Variants in PRKAG2 observed in about 807,000 individuals in gnomAD.
The protein encoded by PRKAG2 is 5'-AMP-activated protein kinase subunit gamma-2.
Under a neutral mutation model 69.6 loss-of-function variants are expected in PRKAG2, and 26 were observed. The observed-to-expected ratio is 0.37, with a 90% CI of 0.27 to 0.52. The LOEUF is 0.52. Among genes scored for constraint, PRKAG2 ranks in the 20% least tolerant of loss-of-function variants. PRKAG2 has a pLI of 0.90. For synonymous variants in PRKAG2, 293 were observed against 285.0 expected (o/e 1.03, Z -0.28); for missense variants, 557 against 740.0 (o/e 0.75, Z 2.87).
intron 1 of PRKAG2, among the ~76,000 whole-genome samples, chr7:151,794,406 T>G (rs1241489723): frequency 6.6e-6 from 1 of 152,242 alleles, no homozygotes; most frequent in Non-Finnish European, 1.5e-5. Context: ...CACTTTCCAG[T>G]GTGTAAAAGG....
chr7:151,612,522 G>A (rs1819114147), intron 5 of PRKAG2, among the ~76,000 whole-genome samples: 1 of 152,200 alleles, frequency 6.6e-6, no homozygotes, highest in African/African-American at 2.4e-5. Context: ...TCACTGTGAA[G>A]CAACCTGGGG....
At chr7:151,831,199 T>C (rs1452453559) in intron 1 of PRKAG2, among the ~76,000 whole-genome samples, 1 of 152,156 alleles carries the variant, frequency 6.6e-6, no homozygotes, top group East Asian at 1.9e-4. Flanking sequence ...AAGTTAAATA[T>C]AAAGTCACAA....
chr7:151,857,399 C>CAAAAA (rs71198737), intron 1 of PRKAG2, among the ~76,000 whole-genome samples: 1 of 122,972 alleles, frequency 8.1e-6, no homozygotes, highest in East Asian at 2.4e-4. Context: ...CTGGAAGTAC[C>CAAAAA]AAAAAAAAAA....
At chr7:151,773,887 G>A (rs893538430) in intron 3 of PRKAG2, among the ~76,000 whole-genome samples, 11 of 152,134 alleles carry the variant, frequency 7.2e-5, no homozygotes, top group African/African-American at 2.4e-4. Flanking sequence ...GGCTTTGTAG[G>A]CCATGGGGTC....
chr7:151,709,552 CTT>C (rs1302923491), intron 3 of PRKAG2, among the ~76,000 whole-genome samples: 6 of 152,030 alleles, frequency 3.9e-5, no homozygotes, highest in African/African-American at 1.2e-4. Flanking sequence ...CATTGAGTGA[CTT>C]TGATATTTGT....
In PRKAG2 at chr7:151,570,244, A is replaced by C. The variant is rs1807230049; in HGVS notation, c.1052-19T>G. 1.9e-6 allele frequency: 3 copies of C among 1,597,764 alleles called. No individual in the cohort carries two copies. The East Asian group carries it at 6.7e-5, about 36-fold the overall frequency. ...TAAAGCTCTGTATTTATAGAAAGAA[A>C]ATATGCAGTTAGTAACACATTTGCT... On this transcript the variant is annotated intron_variant, in intron 9 of 15. Transcript: ENST00000287878.
At chr7:151,832,164 T>C (rs915008988) in intron 1 of PRKAG2, among the ~76,000 whole-genome samples, 1 of 148,780 alleles carries the variant, frequency 6.7e-6, no homozygotes, top group Non-Finnish European at 1.5e-5. Flanking sequence ...AAATTGAATT[T>C]CCCCCCAACC....
In PRKAG2 at chr7:151,867,781, G is replaced by A. The variant is rs143564714; in HGVS notation, c.114+8726C>T. Among the ~76,000 whole-genome samples, 118 of 152,284 alleles carry A rather than the reference G, an allele frequency of 7.7e-4. 1 individual carries two copies. Among genetic ancestry groups the A allele is most frequent in the African/African-American group, 2.7e-3 (114 of 41,560 alleles). ...TTTCTGGTCCCAGCACTAACCCTGC[G>A]TAAACATAGTTCTTAGCAATGGCTC... On this transcript the variant is annotated intron_variant, in intron 1 of 15. Transcript: ENST00000287878.
rs189777459 is a variant in PRKAG2 at position 151,780,023 on chromosome 7, C to T, written c.466+1129G>A. 1.1e-4 allele frequency among the ~76,000 whole-genome samples: 16 copies of T among 152,114 alleles called. No homozygotes were observed. Among genetic ancestry groups the T allele is most frequent in the Admixed American group, 4.6e-4 (7 of 15,286 alleles). On this transcript the variant is annotated intron_variant, in intron 3 of 15. Transcript: ENST00000287878. The surrounding 1 kb of genome is among the most constrained non-coding windows in gnomAD (Gnocchi z 4.2). ...GTGTGTAGAGCATGGTCAGGACCTG[C>T]CCCCCACAACACACACACAACCCAC...
Position 151,781,235 on chromosome 7 carries a change from C to T in PRKAG2, c.383G>A (p.Arg128His). ...GGGGGAAGACTCTTTGGAGGAGGAGCGGAAGATCCCACTGAAGCTCATGCG... is the reference window on the plus strand; with the variant it reads ...GGGGGAAGACTCTTTGGAGGAGGAGTGGAAGATCCCACTGAAGCTCATGCG... Reference protein sequence around the residue: ...PRRMSFSGIFRSSSKESSPNS... With the variant: ...PRRMSFSGIFHSSSKESSPNS... Residue 128 changes from arginine to histidine, a missense_variant, in exon 3 of 16, where the codon CGC (arginine) becomes CAC (histidine). Arg to His is a conservative substitution (Grantham distance 29, BLOSUM62 0). This residue lies in a region of PRKAG2 where 352 missense variants were observed against 356.7 expected (regional missense o/e 0.99). Transcript: ENST00000287878. The surrounding 1 kb of genome is among the most constrained non-coding windows in gnomAD (Gnocchi z 6.1). 7 of 1,614,016 alleles carry T rather than the reference C, an allele frequency of 4.3e-6. No individual in the cohort carries two copies. Among genetic ancestry groups the T allele is most frequent in the African/African-American group, 1.3e-5 (1 of 75,020 alleles).
At chr7:151,738,563 C>T (rs1030912547) in intron 3 of PRKAG2, among the ~76,000 whole-genome samples, 26 of 152,280 alleles carry the variant, frequency 1.7e-4, no homozygotes, top group Non-Finnish European at 3.4e-4. Flanking sequence ...GGCGGAAAAC[C>T]GCTTAAAGGC....
chr7:151,578,624 G>C (rs1429094984), intron 6 of PRKAG2, among the ~76,000 whole-genome samples: 3 of 152,164 alleles, frequency 2.0e-5, no homozygotes, highest in Non-Finnish European at 2.9e-5. Context: ...GAATATAGCA[G>C]GGATTCTAGA....
intron 8 of PRKAG2, among the ~76,000 whole-genome samples, chr7:151,572,994 T>A (rs953531288): frequency 6.6e-6 from 1 of 151,928 alleles, no homozygotes; most frequent in African/African-American, 2.4e-5. Flanking sequence ...GTGCCTGTAG[T>A]CCCAGCTACT....
At chr7:151,598,632 T>C (rs1426390954) in intron 5 of PRKAG2, among the ~76,000 whole-genome samples, 2 of 150,938 alleles carry the variant, frequency 1.3e-5, no homozygotes, top group East Asian at 1.9e-4. Flanking sequence ...CAAATGCAAA[T>C]AGAAAAAAAA....
Position 151,629,313 on chromosome 7 carries a change from G to C in PRKAG2, c.754+2756C>G, listed in dbSNP as rs145676501. On this transcript the variant is annotated intron_variant, in intron 5 of 15. Transcript: ENST00000287878. ...GCAGCAGGAGCGGCCCCTGTGCTAG[G>C]CAAGTCCCACCCCAGACCTAGAGAA... is the stretch of plus-strand genomic sequence containing the variant. Among the ~76,000 whole-genome samples the C allele has an allele frequency of 4.9e-4, 75 of 152,302 alleles. No individual in the cohort carries two copies. The Middle Eastern group carries it at 0.014, about 28-fold the overall frequency.
chr7:151,857,714 C>G (rs1342548035), intron 1 of PRKAG2, among the ~76,000 whole-genome samples: 2 of 152,224 alleles, frequency 1.3e-5, no homozygotes, highest in Non-Finnish European at 2.9e-5. Flanking sequence ...ATGCTGAGGA[C>G]CTGCTGGCTT....
At chr7:151,695,825 G>A (rs2151546544) in intron 3 of PRKAG2, among the ~76,000 whole-genome samples, 2 of 152,216 alleles carry the variant, frequency 1.3e-5, no homozygotes, top group Middle Eastern at 6.8e-3. Flanking sequence ...AGCTGTCCCT[G>A]GCCTACAGAC....
At chr7:151,572,742 A>G in intron 8 of PRKAG2, 33 bp from the exon 9 acceptor site, 1 of 1,205,304 alleles carries the variant, frequency 8.3e-7, no homozygotes, top group Non-Finnish European at 1.2e-6. Context: ...TTATAAATAT[A>G]CATATACAAC....
At chr7:151,847,056 CG>C (rs2079449540) in intron 1 of PRKAG2, among the ~76,000 whole-genome samples, 1 of 152,194 alleles carries the variant, frequency 6.6e-6, no homozygotes, top group Non-Finnish European at 1.5e-5. Context: ...TAAATGCTCT[CG>C]GCCTTGTACC....
Sources: gnomAD v4.1 joint callset for allele counts (sites outside exome capture counted in the v4.1 genomes callset) on GRCh38, gnomAD v4.1.1 for gene constraint, gnomAD v4.1.1 regional missense constraint, Gnocchi (gnomAD v3.1) non-coding constraint, MANE v1.5 for transcripts, NCBI Gene and HGNC (gene_info 2026-07-23, HGNC 2026-07-21) for gene names.